SAMM50: variants seen among roughly 807,000 people sequenced by gnomAD.
SAMM50 encodes the protein sorting and assembly machinery component 50 homolog.
Under a neutral mutation model 66.9 loss-of-function variants are expected in SAMM50, and 47 were observed. The observed-to-expected ratio is 0.70, with a 90% CI of 0.56 to 0.90. The LOEUF is 0.90. Ranked by LOEUF, SAMM50 falls within the 40% of genes least tolerant of loss-of-function variation. The probability of loss-of-function intolerance (pLI) is 0.00; values close to 1 mark genes in which losing one functional copy is unlikely to be tolerated. For missense variants in SAMM50, 535 were observed against 595.3 expected, an observed-to-expected ratio of 0.90 and a Z score of 1.05; for synonymous variants, 191 against 214.1, an observed-to-expected ratio of 0.89 and a Z score of 0.94.
At position 43,996,319 on chromosome 22, in the gene SAMM50, A is replaced by C. The variant is rs763424952; in HGVS notation, c.1365-19A>C. ...GCTGGCGGAGCGGCCGCCGCATCTG[A>C]TCTCTCCCCTTTTTTTAGGATATGT... On this transcript the variant is annotated intron_variant, in intron 14 of 14. Transcript: ENST00000350028. 18 of 1,613,648 alleles carry C rather than the reference A, an allele frequency of 1.1e-5. No individual in the cohort carries two copies. The Admixed American group carries it at 1.3e-4, about 12-fold the overall frequency.
At position 43,990,300 on chromosome 22, in the gene SAMM50, G is replaced by A. The variant is rs1317430174; in HGVS notation, c.1258G>A (p.Glu420Lys). The stretch of plus-strand genomic sequence containing the variant: ...CAAAGCTCATATTCGTAAGCTGGCT[G>A]AGTGCATCCGCTGGTCGTACGGGGC... ...GPKAHIRKLA[E>K]CIRWSYGAGI... Residue 420 changes from glutamate (E) to lysine (K), a missense_variant, in exon 14 of 15, where the codon GAG (glutamate) becomes AAG (lysine). Coordinates refer to ENST00000350028, the MANE Select transcript of SAMM50 (RefSeq NM_015380.5). 1 of 1,614,198 alleles carries A rather than the reference G, an allele frequency of 6.2e-7. No homozygotes were observed. The highest frequency in any genetic ancestry group is 8.5e-7 in the Non-Finnish European group (1 of 1,180,036).
At chr22:43,991,800 C>G (rs1178430293) in intron 14 of SAMM50, among the ~76,000 whole-genome samples, 1 of 152,224 alleles carries the variant, frequency 6.6e-6, no homozygotes, top group African/African-American at 2.4e-5. Flanking sequence ...TGTGTCCTCA[C>G]TTGGAGGAGG....
chr22:43,980,150 A>G (rs1469219295), intron 10 of SAMM50, among the ~76,000 whole-genome samples: 34 of 17,508 alleles, frequency 1.9e-3, no homozygotes, highest in African/African-American at 2.7e-3. Context: ...CCATCCATCC[A>G]TCCATCCATC....
intron 12 of SAMM50, chr22:43,986,653 C>T (rs2294926): frequency 0.41 from 61,535 of 151,534 alleles, 13,643 homozygotes; most frequent in African/African-American, 0.58. Flanking sequence ...CAGGTTCAAG[C>T]GATTCCCCCT....
chr22:43,963,504 A>G, intron 2 of SAMM50, 108 bp downstream of exon 2: 1 of 581,918 alleles, frequency 1.7e-6, no homozygotes, highest in East Asian at 3.0e-5. Context: ...CCTTTATCAA[A>G]GAAGAGTTTG....
In SAMM50 at chr22:43,964,996, C is replaced by G. The variant is rs548210045; in HGVS notation, c.234+443C>G. On this transcript the variant is annotated intron_variant, in intron 3 of 14. Coordinates refer to ENST00000350028, the MANE Select transcript of SAMM50 (RefSeq NM_015380.5). ...TCTGTGGAGCAGTCTCCTTCCTGCA[C>G]TGCACCCCGTTTCTCATCTCCACTG... Among the ~76,000 whole-genome samples, 6 of 152,130 alleles carry G rather than the reference C, an allele frequency of 3.9e-5. No homozygotes were observed. In the South Asian group the frequency reaches 1.2e-3, roughly 32 times the overall value.
chr22:43,967,095 G>A (rs1165049551), intron 3 of SAMM50, among the ~76,000 whole-genome samples: 1 of 152,104 alleles, frequency 6.6e-6, no homozygotes, highest in African/African-American at 2.4e-5. Context: ...TCTGTTGTCA[G>A]CTCCTTTTCC....
chr22:43,988,450 T>A (rs1160766420), intron 12 of SAMM50: 2 of 152,244 alleles, frequency 1.3e-5, no homozygotes. Context: ...TTGTATGTTT[T>A]CTGTTGCTTT....
At chr22:43,978,260 G>A (rs983228110) in intron 10 of SAMM50, among the ~76,000 whole-genome samples, 2 of 151,646 alleles carry the variant, frequency 1.3e-5, no homozygotes, top group East Asian at 1.9e-4. Context: ...TGGCTAACAC[G>A]GTGAAACCCT....
At chr22:43,967,384 C>T (rs1247260639) in intron 3 of SAMM50, among the ~76,000 whole-genome samples, 1 of 152,218 alleles carries the variant, frequency 6.6e-6, no homozygotes, top group Admixed American at 6.5e-5. Context: ...CTATTCCTGA[C>T]TTCTCTAATG....
At chr22:43,957,391 A>G (rs888488332) in intron 1 of SAMM50, 2 of 323,984 alleles carry the variant, frequency 6.2e-6, no homozygotes, top group Non-Finnish European at 1.2e-5. Context: ...TGTGCTCTTG[A>G]AAAAAAAAAG....
In SAMM50 at chr22:43,983,959, T is replaced by G; in HGVS notation, c.1034T>G (p.Ile345Ser). Residue 345 changes from isoleucine to serine, a missense_variant, in exon 12 of 15, where the codon ATC (isoleucine) becomes AGC (serine). By Grantham distance (142) the Ile-to-Ser change is moderately radical. Transcript: ENST00000350028. The surrounding 1 kb of genome is among the most constrained non-coding windows in gnomAD (Gnocchi z 4.2). ...TTTTACCTTGGGGGACCCACAAGCA[T>G]CCGCGGATTCAGCATGCACAGCATC... The part of the protein sequence containing the change: ...DRFYLGGPTS[I>S]RGFSMHSIGP... 6.2e-7 allele frequency: 1 copy of G among 1,611,880 alleles called. No homozygotes were observed. The highest frequency in any genetic ancestry group is 8.5e-7 in the Non-Finnish European group (1 of 1,179,134).
At chr22:43,970,012 A>G (rs1196063990) in intron 4 of SAMM50, among the ~76,000 whole-genome samples, 2 of 152,232 alleles carry the variant, frequency 1.3e-5, no homozygotes, top group South Asian at 2.1e-4. Context: ...ATAAGACAAT[A>G]TAGGAAAATG....
chr22:43,990,496 T>A, intron 14 of SAMM50, 90 bp downstream of exon 14: 1 of 1,268,000 alleles, frequency 7.9e-7, no homozygotes. Flanking sequence ...TTAGTGGCTT[T>A]TAAGCTTGAA....
chr22:43,984,131 A>G, intron 12 of SAMM50, 131 bp downstream of exon 12: 1 of 688,102 alleles, frequency 1.5e-6, no homozygotes, highest in South Asian at 2.2e-5. Context: ...CACCTAACAC[A>G]GAACTTACCA....
intron 7 of SAMM50, 115 bp from the exon 8 acceptor site, chr22:43,975,940 T>TA (rs139412613): frequency 1.9e-4 from 199 of 1,073,086 alleles, no homozygotes; most frequent in Non-Finnish European, 2.3e-4. Context: ...CTCTCATCAT[T>TA]AAAAAAAATT....
Position 43,976,201 on chromosome 22 carries a change from T to C in SAMM50, c.777+18T>C. The C allele has an allele frequency of 6.3e-7, 1 of 1,593,046 alleles. No individual in the cohort carries two copies. The highest frequency in any genetic ancestry group is 1.1e-5 in the South Asian group (1 of 90,530). The stretch of plus-strand genomic sequence containing the variant: ...CTCTTTCGGTAACGGTTTCTCTTAG[T>C]TGGAGTAAATAATTTTGTTGATGGA... On this transcript the variant is annotated intron_variant, in intron 8 of 14. Transcript: ENST00000350028.
At position 43,973,299 on chromosome 22, in the gene SAMM50, C is replaced by T. The variant is rs1303462059; in HGVS notation, c.624C>T (p.Asp208=). ...CTTGGAGCTCACTGCGGGAGACGGA[C>T]AGAGGAATGTCAGCTGAGTACAGTG... is the stretch of plus-strand genomic sequence containing the variant. The part of the protein sequence containing the change: ...QFPWSSLRET[D]RGMSAEYSFP... Residue 208 remains aspartate, a synonymous_variant, in exon 7 of 15, where the codon GAC becomes GAT. Transcript: ENST00000350028. The T allele has an allele frequency of 1.2e-6, 2 of 1,603,736 alleles. No individual in the cohort carries two copies. The highest frequency in any genetic ancestry group is 2.2e-5 in the East Asian group (1 of 44,850).
chr22:43,968,557 T>A (rs2050186218), intron 3 of SAMM50, among the ~76,000 whole-genome samples, 174 bp from the exon 4 acceptor site: 1 of 152,278 alleles, frequency 6.6e-6, no homozygotes, highest in African/African-American at 2.4e-5. Flanking sequence ...GGCATTTTTG[T>A]TGCCCCTGTG....
Sources: gnomAD v4.1 joint callset for allele counts (sites outside exome capture counted in the v4.1 genomes callset) on GRCh38, gnomAD v4.1.1 for gene constraint, Gnocchi (gnomAD v3.1) non-coding constraint, MANE v1.5 for transcripts, NCBI Gene and HGNC (gene_info 2026-07-23, HGNC 2026-07-21) for gene names.